Variants in ASTN1 observed in about 807,000 individuals in gnomAD.
ASTN1 encodes the protein astrotactin 1.
ASTN1 carries 41 observed loss-of-function variants against 140.7 expected under a neutral mutation model. The observed-to-expected ratio is 0.29, with a 90% CI of 0.23 to 0.38. The LOEUF (loss-of-function observed/expected upper bound fraction) is 0.38. Among genes scored for constraint, ASTN1 ranks in the 10% least tolerant of loss-of-function variants. The pLI is 1.00. For synonymous variants in ASTN1, 640 were observed against 652.2 expected, an observed-to-expected ratio of 0.98 and a Z score of 0.29; for missense variants, 1,479 against 1,678.8, an observed-to-expected ratio of 0.88 and a Z score of 2.08.
chr1:176,880,415 C>T (rs887406519), intron 20 of ASTN1, among the ~76,000 whole-genome samples: 7 of 152,074 alleles, frequency 4.6e-5, no homozygotes, highest in South Asian at 2.1e-4. Context: ...GTCACACGTC[C>T]GGAAAGAGAG....
chr1:176,885,435 T>C (rs1479253082), intron 18 of ASTN1, among the ~76,000 whole-genome samples: 2 of 152,150 alleles, frequency 1.3e-5, no homozygotes. Context: ...GTGCCTCAGG[T>C]TTCCCCTCTT....
At chr1:177,152,356 G>A (rs1365381910) in intron 1 of ASTN1, among the ~76,000 whole-genome samples, 3 of 151,892 alleles carry the variant, frequency 2.0e-5, no homozygotes, top group African/African-American at 7.3e-5. Context: ...ATAGCATCAC[G>A]TTCCCTCAAC....
chr1:176,922,555 G>GTAAAAAAAAAAA, intron 16 of ASTN1, among the ~76,000 whole-genome samples: 1 of 39,056 alleles, frequency 2.6e-5, no homozygotes, highest in Non-Finnish European at 4.2e-5. Context: ...AGCCCCCACT[G>GTAAAAAAAAAAA]CAAAAAAAAA....
intron 8 of ASTN1, among the ~76,000 whole-genome samples, chr1:176,977,346 A>C (rs1407633371): frequency 6.6e-6 from 1 of 152,250 alleles, no homozygotes; most frequent in Non-Finnish European, 1.5e-5. Context: ...CCATATAAAA[A>C]AACATTTGGC....
intron 1 of ASTN1, among the ~76,000 whole-genome samples, chr1:177,150,708 G>A (rs899270409): frequency 1.2e-4 from 19 of 152,136 alleles, no homozygotes; most frequent in African/African-American, 4.6e-4. Context: ...GTAAAATGGA[G>A]TTATGAAGGC....
chr1:176,909,569 G>T (rs1182410001), intron 16 of ASTN1, among the ~76,000 whole-genome samples: 1 of 152,076 alleles, frequency 6.6e-6, no homozygotes, highest in South Asian at 2.1e-4. Flanking sequence ...TTAAATTTTG[G>T]TCCCCCAAGC....
At chr1:177,078,570 C>A (rs369796269) in intron 1 of ASTN1, among the ~76,000 whole-genome samples, 1 of 152,030 alleles carries the variant, frequency 6.6e-6, no homozygotes, top group East Asian at 1.9e-4. Context: ...TGCCACCCAA[C>A]GGAAAGAAGT....
chr1:176,967,969 A>G (rs1007014870), intron 8 of ASTN1, among the ~76,000 whole-genome samples: 1 of 152,086 alleles, frequency 6.6e-6, no homozygotes, highest in Non-Finnish European at 1.5e-5. Flanking sequence ...TAGAGGCAGG[A>G]GTGTAGTGTA....
intron 1 of ASTN1, among the ~76,000 whole-genome samples, chr1:177,141,509 C>T (rs1421700284): frequency 6.6e-6 from 1 of 152,138 alleles, no homozygotes; most frequent in Non-Finnish European, 1.5e-5. Flanking sequence ...CCTTTTCATT[C>T]CTCTCTGTAT....
rs1676335885 is a variant in ASTN1 at position 177,029,859 on chromosome 1, T to C, written c.1013-118A>G. The C allele has an allele frequency of 1.5e-5, 15 of 991,016 alleles. No homozygotes were observed. In the South Asian group the frequency reaches 2.4e-4, roughly 16 times the overall value. The allele number at this position is 991,016 out of a possible 1,614,324, so 61.4% of individuals were successfully genotyped here. On this transcript the variant is annotated intron_variant, in intron 4 of 22. Transcript: ENST00000361833. ...AATGAAAGTAAGCTGACTGATAATC[T>C]GGGAGAAATAGCCAAGGGGGTTGGG... is the stretch of plus-strand genomic sequence containing the variant.
chr1:177,141,830 T>C (rs1345425019), intron 1 of ASTN1, among the ~76,000 whole-genome samples: 6 of 152,352 alleles, frequency 3.9e-5, no homozygotes, highest in East Asian at 1.9e-4. Flanking sequence ...ATAAGTATTT[T>C]GGAAACGTCA....
chr1:177,138,165 G>A (rs555278912), intron 1 of ASTN1, among the ~76,000 whole-genome samples: 73 of 152,274 alleles, frequency 4.8e-4, no homozygotes, highest in African/African-American at 1.7e-3. Context: ...CCACTTTTGA[G>A]CCAACATATC....
intron 16 of ASTN1, among the ~76,000 whole-genome samples, chr1:176,896,995 G>A (rs1401205226): frequency 1.3e-5 from 2 of 152,154 alleles, no homozygotes; most frequent in Non-Finnish European, 2.9e-5. Context: ...AGTAAGTAAA[G>A]GGCGGACGTG....
chr1:176,966,030 C>A (rs972609127), intron 8 of ASTN1, among the ~76,000 whole-genome samples: 1 of 152,132 alleles, frequency 6.6e-6, no homozygotes, highest in Non-Finnish European at 1.5e-5. Context: ...GATCTCTAAG[C>A]CCATTATTTA....
At chr1:177,014,272 A>T (rs1333384610) in intron 8 of ASTN1, among the ~76,000 whole-genome samples, 1 of 152,196 alleles carries the variant, frequency 6.6e-6, no homozygotes, top group African/African-American at 2.4e-5. Flanking sequence ...GGGAAAACAA[A>T]AGTCTCATTG....
intron 13 of ASTN1, among the ~76,000 whole-genome samples, chr1:176,945,684 C>A (rs1320190040): frequency 6.6e-6 from 1 of 152,170 alleles, no homozygotes; most frequent in Non-Finnish European, 1.5e-5. Flanking sequence ...TCTTCCAGTC[C>A]CTGCCTGGGC....
At chr1:177,092,122 G>T (rs12691477) in intron 1 of ASTN1, among the ~76,000 whole-genome samples, 70,794 of 151,856 alleles carry the variant, frequency 0.47, 17,635 homozygotes, top group Non-Finnish European at 0.56. Context: ...CCACCAGCAA[G>T]GTACAAGATT....
At chr1:177,098,275 AGAGAGTTGGCCAATTGGTTGTTGGCG>A (rs1680127559) in intron 1 of ASTN1, among the ~76,000 whole-genome samples, 1 of 145,624 alleles carries the variant, frequency 6.9e-6, no homozygotes, top group Admixed American at 6.7e-5. Flanking sequence ...GTTGGTGTCC[AGAGAGTTGGCCAATTGGTTGTTGGCG>A]TGAAAAACCC....
At chr1:176,903,778 G>A (rs1199279049) in intron 16 of ASTN1, among the ~76,000 whole-genome samples, 1 of 152,148 alleles carries the variant, frequency 6.6e-6, no homozygotes, top group Non-Finnish European at 1.5e-5. Flanking sequence ...TAAAACAACA[G>A]CATGCATTCC....
Sources: allele counts gnomAD v4.1 joint callset (sites outside exome capture counted in the v4.1 genomes callset), GRCh38; gene constraint gnomAD v4.1.1; transcripts MANE v1.5; gene names NCBI Gene and HGNC (gene_info 2026-07-23, HGNC 2026-07-21).